NEK7: variants seen among roughly 807,000 people sequenced by gnomAD.
NEK7 encodes the protein serine/threonine-protein kinase Nek7.
In NEK7, 18 loss-of-function variants were observed where a neutral mutation model predicts 44.6. The ratio of observed to expected loss-of-function variants is 0.40; its 90% CI spans 0.28 to 0.60. NEK7 has a LOEUF of 0.60. Among genes scored for constraint, NEK7 ranks in the 20% least tolerant of loss-of-function variants. The probability of loss-of-function intolerance (pLI) is 0.38; values close to 1 mark genes in which losing one functional copy is unlikely to be tolerated. For missense variants in NEK7, 256 were observed against 366.5 expected, an observed-to-expected ratio of 0.70 and a Z score of 2.46; for synonymous variants, 130 against 121.1, an observed-to-expected ratio of 1.07 and a Z score of -0.48.
At chr1:198,240,553 T>C (rs1666658771) in intron 2 of NEK7, among the ~76,000 whole-genome samples, 1 of 152,178 alleles carries the variant, frequency 6.6e-6, no homozygotes, top group Non-Finnish European at 1.5e-5. Context: ...AGATCATTGT[T>C]TTTTTGAAGG....
chr1:198,233,929 C>T (rs1306996477), intron 2 of NEK7, among the ~76,000 whole-genome samples: 3 of 151,980 alleles, frequency 2.0e-5, no homozygotes, highest in Non-Finnish European at 4.4e-5. Context: ...ACAACAAAGC[C>T]GTCTCTACCA....
intron 5 of NEK7, among the ~76,000 whole-genome samples, chr1:198,269,471 C>G (rs1051885778): frequency 1.3e-5 from 2 of 152,016 alleles, no homozygotes; most frequent in African/African-American, 2.4e-5. Flanking sequence ...GAAAAAAAAT[C>G]ATAGGAACTT....
chr1:198,179,727 T>G lies in NEK7; in HGVS notation c.-29+22451T>G, dbSNP rs114294447. 2.5e-3 allele frequency among the ~76,000 whole-genome samples: 377 copies of G among 152,262 alleles called. 1 individual carries two copies. Among genetic ancestry groups the G allele is most frequent in the African/African-American group, 8.8e-3 (364 of 41,572 alleles). On this transcript the variant is annotated intron_variant, in intron 1 of 9. Transcript: ENST00000367385. The stretch of plus-strand genomic sequence containing the variant: ...CCTTCAATTGTGGCTTTACAGAGTT[T>G]AAGAAAATTTTGTTCGTATGCAGAT...
In NEK7 at chr1:198,262,106, A is replaced by G. The variant is rs569244509; in HGVS notation, c.199-469A>G. On this transcript the variant is annotated intron_variant, in intron 3 of 9. Transcript: ENST00000367385. ...TCAGTGCTTGGGTTCTAGATGGATA[A>G]CTCTGAGAATGAATTCTGCTTGCTC... 9.2e-5 allele frequency among the ~76,000 whole-genome samples: 14 copies of G among 151,722 alleles called. No individual in the cohort carries two copies. In the South Asian group the frequency reaches 2.7e-3, roughly 29 times the overall value.
chr1:198,319,014 A>T (rs919806860), intron 9 of NEK7, among the ~76,000 whole-genome samples: 2 of 152,138 alleles, frequency 1.3e-5, no homozygotes, highest in Non-Finnish European at 2.9e-5. Flanking sequence ...TTCCATTTAA[A>T]CTTACAATTA....
chr1:198,213,872 A>G (rs2102825242), intron 1 of NEK7, among the ~76,000 whole-genome samples: 1 of 152,298 alleles, frequency 6.6e-6, no homozygotes, highest in Non-Finnish European at 1.5e-5. Context: ...GGCATGTCCT[A>G]CTAGCCTGAA....
At chr1:198,176,276 T>G (rs1664600811) in intron 1 of NEK7, among the ~76,000 whole-genome samples, 1 of 152,172 alleles carries the variant, frequency 6.6e-6, no homozygotes, top group Non-Finnish European at 1.5e-5. Flanking sequence ...GACAACTGAT[T>G]CATTTAAATA....
intron 1 of NEK7, among the ~76,000 whole-genome samples, chr1:198,216,601 T>A (rs777316325): frequency 1.3e-5 from 2 of 150,976 alleles, no homozygotes; most frequent in Admixed American, 1.3e-4. Flanking sequence ...TAAATGAAAT[T>A]AGAACAAACA....
intron 1 of NEK7, among the ~76,000 whole-genome samples, chr1:198,221,523 T>C (rs996477680): frequency 6.6e-6 from 1 of 151,756 alleles, no homozygotes; most frequent in Non-Finnish European, 1.5e-5. Flanking sequence ...AAAAACATAT[T>C]TTTAAGCCTC....
At chr1:198,213,365 A>G (rs916945076) in intron 1 of NEK7, among the ~76,000 whole-genome samples, 2 of 152,190 alleles carry the variant, frequency 1.3e-5, no homozygotes, top group Non-Finnish European at 1.5e-5. Context: ...CTGCAGCTCT[A>G]CCCCAACAGT....
chr1:198,312,189 T>G (rs1244673990), intron 9 of NEK7, among the ~76,000 whole-genome samples: 12 of 151,888 alleles, frequency 7.9e-5, no homozygotes, highest in Non-Finnish European at 1.8e-4. Context: ...GTCAAGGAAT[T>G]TATCCATTTC....
At chr1:198,171,403 G>A (rs1558040434) in intron 1 of NEK7, among the ~76,000 whole-genome samples, 4 of 152,034 alleles carry the variant, frequency 2.6e-5, no homozygotes, top group South Asian at 2.1e-4. Context: ...TTTATGGGCC[G>A]GGTGCAGTGG....
chr1:198,253,527 G>C (rs1422498085), intron 3 of NEK7, among the ~76,000 whole-genome samples: 1 of 151,942 alleles, frequency 6.6e-6, no homozygotes, highest in Non-Finnish European at 1.5e-5. Flanking sequence ...ACTGTAGTCA[G>C]AAACTAGAGT....
At chr1:198,297,386 G>GACAGCAAGTCTCCAA in intron 9 of NEK7, 146 bp downstream of exon 9, 2 of 984,708 alleles carry the variant, frequency 2.0e-6, no homozygotes, top group Non-Finnish European at 1.5e-6. Context: ...TCATTCTCTT[G>GACAGCAAGTCTCCAA]GAGACTTGCT....
intron 1 of NEK7, among the ~76,000 whole-genome samples, chr1:198,182,661 A>T (rs1203474797): frequency 6.6e-6 from 1 of 151,960 alleles, no homozygotes; most frequent in African/African-American, 2.4e-5. Context: ...TTACTTTCAA[A>T]CTCTTTGTTC....
chr1:198,242,809 ATT>A (rs199791068), intron 2 of NEK7, among the ~76,000 whole-genome samples: 2 of 140,876 alleles, frequency 1.4e-5, no homozygotes, highest in East Asian at 4.2e-4. Flanking sequence ...TATATTTTTA[ATT>A]TTTTTTTTTG....
At chr1:198,219,567 G>T (rs1352321171) in intron 1 of NEK7, among the ~76,000 whole-genome samples, 1 of 150,624 alleles carries the variant, frequency 6.6e-6, no homozygotes, top group Admixed American at 6.6e-5. Context: ...GGAAGGGTGG[G>T]AGGGATGTGA....
At chr1:198,179,452 A>G (rs1352887695) in intron 1 of NEK7, among the ~76,000 whole-genome samples, 1 of 152,114 alleles carries the variant, frequency 6.6e-6, no homozygotes, top group African/African-American at 2.4e-5. Flanking sequence ...TTGGTCTAAC[A>G]GTTAAGTGAC....
At chr1:198,250,719 T>C (rs1214353373) in intron 2 of NEK7, among the ~76,000 whole-genome samples, 3 of 144,748 alleles carry the variant, frequency 2.1e-5, no homozygotes, top group African/African-American at 2.6e-5. Flanking sequence ...GTGATTTTTG[T>C]ACATTGATTT....
Sources: allele counts gnomAD v4.1 joint callset (sites outside exome capture counted in the v4.1 genomes callset), GRCh38; gene constraint gnomAD v4.1.1; transcripts MANE v1.5; gene names NCBI Gene and HGNC (gene_info 2026-07-23, HGNC 2026-07-21).